Variants in GABRB1 observed in about 807,000 individuals in gnomAD.
The protein encoded by GABRB1 is gamma-aminobutyric acid receptor subunit beta-1.
In GABRB1, 17 loss-of-function variants were observed where a neutral mutation model predicts 51.6. That is an observed-to-expected ratio of 0.33 (90% confidence interval 0.23 to 0.49). GABRB1 has a LOEUF of 0.49. GABRB1 is among the 20% of genes least tolerant of loss of function. GABRB1 has a pLI of 0.99. For missense variants in GABRB1, 410 were observed against 600.6 expected, an observed-to-expected ratio of 0.68 and a Z score of 3.32; for synonymous variants, 247 against 218.9, an observed-to-expected ratio of 1.13 and a Z score of -1.14.
At chr4:47,174,137 T>C (rs1275872593) in intron 4 of GABRB1, among the ~76,000 whole-genome samples, 1 of 152,148 alleles carries the variant, frequency 6.6e-6, no homozygotes, top group Non-Finnish European at 1.5e-5. Context: ...CAATCATGGC[T>C]CACTGCAACC....
chr4:47,411,402 T>TTA (rs1445273649), intron 8 of GABRB1, among the ~76,000 whole-genome samples: 2 of 152,140 alleles, frequency 1.3e-5, no homozygotes, highest in Non-Finnish European at 2.9e-5. Flanking sequence ...TATTAAAAGG[T>TTA]TATAATACTG....
chr4:47,210,176 G>A (rs1435007935), intron 4 of GABRB1, among the ~76,000 whole-genome samples: 3 of 152,030 alleles, frequency 2.0e-5, no homozygotes, highest in African/African-American at 7.2e-5. Context: ...TTAATGGTAG[G>A]ACACAGCAAC....
chr4:47,154,073 G>T (rs1265058412), intron 3 of GABRB1, among the ~76,000 whole-genome samples: 1 of 152,012 alleles, frequency 6.6e-6, no homozygotes, highest in Non-Finnish European at 1.5e-5. Flanking sequence ...AAACCTGAAG[G>T]ATACAGTGAT....
At chr4:46,995,608 C>G (rs1252194319) in intron 1 of GABRB1, among the ~76,000 whole-genome samples, 1 of 152,160 alleles carries the variant, frequency 6.6e-6, no homozygotes, top group Admixed American at 6.5e-5. Flanking sequence ...AAGTGATCCT[C>G]CTGCCTCTGT....
intron 4 of GABRB1, among the ~76,000 whole-genome samples, chr4:47,236,235 A>G (rs1465812727): frequency 6.6e-6 from 1 of 152,146 alleles, no homozygotes; most frequent in Non-Finnish European, 1.5e-5. Context: ...AAGCTTTAAC[A>G]TCATTTATTC....
At chr4:46,996,562 T>G (rs557943217) in intron 1 of GABRB1, among the ~76,000 whole-genome samples, 1 of 152,292 alleles carries the variant, frequency 6.6e-6, no homozygotes, top group African/African-American at 2.4e-5. Context: ...CAAGTTCTTA[T>G]AGGCCATGGA....
chr4:47,188,983 A>G (rs1462943732), intron 4 of GABRB1, among the ~76,000 whole-genome samples: 1 of 152,030 alleles, frequency 6.6e-6, no homozygotes. Flanking sequence ...TGAGCAAGAA[A>G]TATTATATTT....
At chr4:47,337,571 G>A (rs1414712551) in intron 5 of GABRB1, among the ~76,000 whole-genome samples, 4 of 151,866 alleles carry the variant, frequency 2.6e-5, no homozygotes, top group Admixed American at 6.6e-5. Context: ...TTGGGAGGCC[G>A]AGGCAGGTGG....
chr4:47,049,976 A>G (rs1726273501), intron 3 of GABRB1, among the ~76,000 whole-genome samples: 1 of 152,220 alleles, frequency 6.6e-6, no homozygotes, highest in African/African-American at 2.4e-5. Flanking sequence ...CTACTCACTC[A>G]TATAGATCTT....
chr4:46,999,624 A>G (rs1336700244), intron 1 of GABRB1, among the ~76,000 whole-genome samples: 1 of 152,246 alleles, frequency 6.6e-6, no homozygotes, highest in Non-Finnish European at 1.5e-5. Flanking sequence ...GAGGCAAAAC[A>G]AAGAAATCAT....
chr4:47,074,197 A>ATGT (rs1727457242), intron 3 of GABRB1, among the ~76,000 whole-genome samples: 1 of 152,188 alleles, frequency 6.6e-6, no homozygotes, highest in Non-Finnish European at 1.5e-5. Flanking sequence ...CCTACAAGCA[A>ATGT]ATACACTAAA....
chr4:47,390,867 T>G (rs1727963797), intron 5 of GABRB1, among the ~76,000 whole-genome samples: 1 of 152,154 alleles, frequency 6.6e-6, no homozygotes, highest in South Asian at 2.1e-4. Flanking sequence ...CCATGAAAAC[T>G]CAAGCTTCTA....
rs1305298443 is a variant in GABRB1, at chr4:47,254,361, G to GGTTTTTTTTTTTTT, written c.462-65766_462-65765insGTTTTTTTTTTTTT. On this transcript the variant is annotated intron_variant, in intron 4 of 8. Coordinates refer to ENST00000295454, the MANE Select transcript of GABRB1 (RefSeq NM_000812.4). ...ATGGTGGATGATGTTTCTTTTCTTTGTTTTTTTTTTTTTTTTTTTTTTTTT... is the reference window on the plus strand; with the variant it reads ...ATGGTGGATGATGTTTCTTTTCTTTGGTTTTTTTTTTTTTTTTTTTTTTTTTTTTTTTTTTTTTT... 7.4e-5 allele frequency among the ~76,000 whole-genome samples: 6 copies of GGTTTTTTTTTTTTT among 80,966 alleles called. 2 individuals are homozygous for GGTTTTTTTTTTTTT. Among genetic ancestry groups the GGTTTTTTTTTTTTT allele is most frequent in the Admixed American group, 1.5e-4 (1 of 6,556 alleles). The allele number at this position is 80,966 out of a possible 152,430, so 53.1% of individuals were successfully genotyped here.
intron 3 of GABRB1, among the ~76,000 whole-genome samples, chr4:47,092,416 G>A (rs966194776): frequency 6.6e-6 from 1 of 151,140 alleles, no homozygotes; most frequent in African/African-American, 2.4e-5. Context: ...AAGGTGATCC[G>A]CCCACCTCAG....
At chr4:47,026,181 T>C (rs2109457863) in intron 1 of GABRB1, among the ~76,000 whole-genome samples, 1 of 152,096 alleles carries the variant, frequency 6.6e-6, no homozygotes, top group East Asian at 1.9e-4. Context: ...TAAAAAGTCC[T>C]TTTCACGTTT....
intron 5 of GABRB1, among the ~76,000 whole-genome samples, chr4:47,332,635 G>A (rs2109976932): frequency 6.6e-6 from 1 of 152,208 alleles, no homozygotes; most frequent in East Asian, 1.9e-4. Flanking sequence ...TGTGGAAGGT[G>A]GGTCCTAGCA....
chr4:47,335,375 T>C (rs1005075390), intron 5 of GABRB1, among the ~76,000 whole-genome samples: 3 of 152,164 alleles, frequency 2.0e-5, no homozygotes, highest in Non-Finnish European at 4.4e-5. Flanking sequence ...GGAAGGTATG[T>C]TACATAATTG....
intron 4 of GABRB1, among the ~76,000 whole-genome samples, chr4:47,190,562 T>A (rs1457912941): frequency 1.3e-5 from 2 of 152,120 alleles, no homozygotes; most frequent in Non-Finnish European, 2.9e-5. Context: ...GGCTTTTAAA[T>A]CCCTGACTTC....
rs116476097 is a variant in GABRB1 at position 47,019,534 on chromosome 4, G to C, written c.-19-12380G>C. 7.2e-3 allele frequency among the ~76,000 whole-genome samples: 1,073 copies of C among 148,402 alleles called. 16 individuals carry two copies. Among genetic ancestry groups the C allele is most frequent in the African/African-American group, 0.024 (974 of 39,826 alleles). On this transcript the variant is annotated intron_variant, in intron 1 of 3. Coordinates refer to the GABRB1 transcript ENST00000513567. ...GAGGCTGAAAGTCCAAGATAAAGGT[G>C]TCAGCAGGTTTAGTTTCTCTCTCTC...
Sources: allele counts gnomAD v4.1 joint callset (sites outside exome capture counted in the v4.1 genomes callset), GRCh38; gene constraint gnomAD v4.1.1; transcripts MANE v1.5; gene names NCBI Gene and HGNC (gene_info 2026-07-23, HGNC 2026-07-21).